The following OTOF variants were observed in gnomAD, a reference collection of about 807,000 sequenced individuals.
The protein encoded by OTOF is fer-1-like family member 2.
In OTOF, 218 loss-of-function variants were observed where a neutral mutation model predicts 236.8. The observed-to-expected ratio is 0.92, with a 90% CI of 0.82 to 1.03. The LOEUF is 1.03. OTOF is among the 50% of genes least tolerant of loss of function. OTOF has a pLI of 0.00. For synonymous variants in OTOF, 1,041 were observed against 1,072.5 expected, an observed-to-expected ratio of 0.97 and a Z score of 0.57; for missense variants, 2,590 against 2,694.4, an observed-to-expected ratio of 0.96 and a Z score of 0.86.
chr2:26,472,740 C>T, intron 29 of OTOF, 91 bp from the exon 30 acceptor site: 2 of 1,369,500 alleles, frequency 1.5e-6, no homozygotes, highest in Non-Finnish European at 2.0e-6. Context: ...AGAACTAAAG[C>T]TGATTCTGGA....
At chr2:26,532,354 C>T (rs907014031) in intron 2 of OTOF, among the ~76,000 whole-genome samples, 21 of 152,130 alleles carry the variant, frequency 1.4e-4, no homozygotes, top group African/African-American at 4.6e-4. Context: ...GGGCTTAATC[C>T]ACTACACTGA....
rs745525013 is a variant in OTOF, at chr2:26,516,472, A to T, written c.455T>A (p.Leu152Gln). Residue 152 changes from leucine to glutamine, a missense_variant, in exon 5 of 47, where the codon CTG becomes CAG. Physicochemically the swap from Leu to Gln is moderately radical, Grantham distance 113. This residue lies in a region of OTOF where 1,379 missense variants were observed against 1,341.6 expected (regional missense o/e 1.03). Coordinates refer to ENST00000272371, the MANE Select transcript of OTOF (RefSeq NM_194248.3). ...GGAGCTGGGCCGGGAGCCTGGGAGC[A>T]GTCCATCCGTCTCTTGGCTGTCCTT... ...EEKDSQETDG[L>Q]LPGSRPSSRP... is the part of the protein sequence containing the mutation. 9.9e-6 allele frequency: 16 copies of T among 1,613,844 alleles called. No homozygotes were observed. Among genetic ancestry groups the T allele is most frequent in the Admixed American group, 1.7e-5 (1 of 60,004 alleles).
Position 26,467,237 on chromosome 2 carries a change from A to G in OTOF, c.4228-4T>C. 6.2e-7 allele frequency: 1 copy of G among 1,614,110 alleles called. No individual in the cohort carries two copies. The highest frequency in any genetic ancestry group is 8.5e-7 in the Non-Finnish European group (1 of 1,180,026). ...ACTCCAGCTCTTTGGGGTATACCTG[A>G]GACAGACCAGGCTGTTAGGGGGCGG... is the stretch of plus-strand genomic sequence containing the variant. On this transcript the variant is annotated splice_region_variant and splice_polypyrimidine_tract_variant and intron_variant, in intron 34 of 46. Coordinates refer to ENST00000272371, the MANE Select transcript of OTOF (RefSeq NM_194248.3).
At chr2:26,509,454 A>G (rs1264975353) in intron 5 of OTOF, among the ~76,000 whole-genome samples, 1 of 152,188 alleles carries the variant, frequency 6.6e-6, no homozygotes, top group Non-Finnish European at 1.5e-5. Context: ...CCATCACTAC[A>G]GAGTTAACAC....
intron 3 of OTOF, among the ~76,000 whole-genome samples, chr2:26,519,511 A>AACAGCAC (rs1666623413): frequency 6.6e-6 from 1 of 152,150 alleles, no homozygotes; most frequent in African/African-American, 2.4e-5. Context: ...CCGCCTAACC[A>AACAGCAC]TGACCAAGGT....
intron 46 of OTOF, among the ~76,000 whole-genome samples, chr2:26,458,940 C>A (rs1402239906): frequency 6.6e-6 from 1 of 152,218 alleles, no homozygotes. Flanking sequence ...TTTTCACAGG[C>A]AAGTGAGGCA....
chr2:26,552,835 A>G (rs1003764134), intron 1 of OTOF, among the ~76,000 whole-genome samples: 26 of 152,154 alleles, frequency 1.7e-4, no homozygotes, highest in African/African-American at 6.3e-4. Flanking sequence ...ACCGGCTGCC[A>G]AGGTCGTCGT....
rs1370446571 is a variant in OTOF, at chr2:26,502,321, G to C, written c.689C>G (p.Thr230Ser). 1 of 1,614,094 alleles carries C rather than the reference G, an allele frequency of 6.2e-7. No individual in the cohort carries two copies. The highest frequency in any genetic ancestry group is 2.2e-5 in the East Asian group (1 of 44,870). Residue 230 changes from threonine to serine, a missense_variant, in exon 7 of 47, where the codon ACC becomes AGC. This residue lies in a region of OTOF where 1,379 missense variants were observed against 1,341.6 expected (regional missense o/e 1.03). Transcript: ENST00000272371. ...SVSLASVTALTTNVSNKRSKP... is the reference protein window; with the variant it reads ...SVSLASVTALSTNVSNKRSKP... ...TCACCGCTTGTTGGAGACATTAGTGGTGAGAGCTGTGACTGAGGCTAGAGA... is the reference window on the plus strand; with the variant it reads ...TCACCGCTTGTTGGAGACATTAGTGCTGAGAGCTGTGACTGAGGCTAGAGA...
At chr2:26,471,035 T>C (rs935290323) in intron 31 of OTOF, 86 bp downstream of exon 31, 2 of 1,529,340 alleles carry the variant, frequency 1.3e-6, no homozygotes, top group African/African-American at 2.7e-5. Flanking sequence ...GCTGGCTCTG[T>C]CCCTGATGCT....
At chr2:26,518,546 CTG>C (rs1230421326) in intron 4 of OTOF, among the ~76,000 whole-genome samples, 1 of 152,266 alleles carries the variant, frequency 6.6e-6, no homozygotes, top group Admixed American at 6.5e-5. Context: ...TGCCTCTAGA[CTG>C]TGCATCACTA....
intron 1 of OTOF, among the ~76,000 whole-genome samples, chr2:26,549,566 G>T (rs574718721): frequency 2.7e-4 from 41 of 152,134 alleles, no homozygotes; most frequent in African/African-American, 8.7e-4. Context: ...AGGCCCCATG[G>T]AACTCTAACC....
Position 26,477,376 on chromosome 2 carries a change from G to A in OTOF, c.2406+40C>T, listed in dbSNP as rs568332024. The A allele has an allele frequency of 1.3e-6, 2 of 1,569,036 alleles. No individual in the cohort carries two copies. Among genetic ancestry groups the A allele is most frequent in the African/African-American group, 2.7e-5 (2 of 74,096 alleles). On this transcript the variant is annotated intron_variant, in intron 20 of 46. Transcript: ENST00000272371. This position sits in a 1 kb window ranked among gnomAD's most constrained non-coding sequence, Gnocchi z 4.7. ...GGGTTGTGACACCTTCTCACAACCAGGCCCTCCCTCCAGCCCCCGCCGTCC... is the reference window on the plus strand; with the variant it reads ...GGGTTGTGACACCTTCTCACAACCAAGCCCTCCCTCCAGCCCCCGCCGTCC...
rs185685006 is a variant in OTOF, at chr2:26,501,666, C to A, written c.765+88G>T. The A allele has an allele frequency of 5.1e-4, 472 of 919,904 alleles. 1 individual carries two copies. The African/African-American group carries it at 6.5e-3, about 13-fold the overall frequency. The allele number at this position is 919,904 out of a possible 1,614,324, so 57.0% of individuals were successfully genotyped here. A position where few individuals can be genotyped will look rare whatever the true frequency, so the allele number is the denominator to read the frequency against. On this transcript the variant is annotated intron_variant, in intron 8 of 46. Coordinates refer to ENST00000272371, the MANE Select transcript of OTOF (RefSeq NM_194248.3). Reference sequence around the variant, plus strand: ...GTTCTCTATGACCCCTGGATCCATGCCTCAGTATAGTGGATAATGCACATC... The same window carrying A: ...GTTCTCTATGACCCCTGGATCCATGACTCAGTATAGTGGATAATGCACATC...
At position 26,474,653 on chromosome 2, in the gene OTOF, G is replaced by A. The variant is rs142557342; in HGVS notation, c.3148C>T (p.Arg1050Trp). ...TTCACCAGGGGTTTGGCGAAGGTCC[G>A]GCCCATGAAGTCAGCTTTGCCCTGA... Reference protein sequence around the residue: ...DSMGKADFMGRTFAKPLVKMA... With the variant: ...DSMGKADFMGWTFAKPLVKMA... Residue 1050 changes from arginine to tryptophan, a missense_variant, in exon 26 of 47, where the codon CGG (arginine) becomes TGG (tryptophan). By Grantham distance (101) the Arg-to-Trp change is moderately radical. Transcript: ENST00000272371. The A allele has an allele frequency of 2.1e-5, 34 of 1,613,192 alleles. No homozygotes were observed. The highest frequency in any genetic ancestry group is 3.3e-4 in the Middle Eastern group (2 of 6,084).
chr2:26,558,591 C>T lies in OTOF; in HGVS notation c.-20G>A, dbSNP rs768237992. ...GGCCATGCTGGTGTGGGCTGCCTGGCACTGCCAGGCAGGAGCAGCGGGAAG... is the reference window on the plus strand; with the variant it reads ...GGCCATGCTGGTGTGGGCTGCCTGGTACTGCCAGGCAGGAGCAGCGGGAAG... On this transcript the variant is annotated 5_prime_UTR_variant, in exon 1 of 47. Transcript: ENST00000272371. The T allele has an allele frequency of 1.2e-6, 2 of 1,608,250 alleles. No individual in the cohort carries two copies. Among genetic ancestry groups the T allele is most frequent in the African/African-American group, 1.3e-5 (1 of 74,910 alleles).
chr2:26,529,028 G>A (rs967680052), intron 2 of OTOF, among the ~76,000 whole-genome samples: 1 of 152,312 alleles, frequency 6.6e-6, no homozygotes, highest in African/African-American at 2.4e-5. Context: ...GGCCAAGTGG[G>A]GTAGAGTGAT....
chr2:26,472,111 G>A (rs2148038682), intron 30 of OTOF, among the ~76,000 whole-genome samples: 1 of 148,252 alleles, frequency 6.7e-6, no homozygotes, highest in East Asian at 2.0e-4. Flanking sequence ...GCATGCACAT[G>A]TGCACACCAC....
At chr2:26,503,749 G>A in intron 6 of OTOF, 23 bp downstream of exon 6, 2 of 1,606,302 alleles carry the variant, frequency 1.2e-6, no homozygotes, top group Non-Finnish European at 1.7e-6. Flanking sequence ...GGGGCTGCGG[G>A]GCTCACGCGG....
chr2:26,544,728 G>T (rs967970404), intron 1 of OTOF, among the ~76,000 whole-genome samples: 1 of 152,078 alleles, frequency 6.6e-6, no homozygotes, highest in Non-Finnish European at 1.5e-5. Context: ...TCACAGGATA[G>T]GTACCCTTAG....
Sources: gnomAD v4.1 joint callset for allele counts (sites outside exome capture counted in the v4.1 genomes callset) on GRCh38, gnomAD v4.1.1 for gene constraint, gnomAD v4.1.1 regional missense constraint, Gnocchi (gnomAD v3.1) non-coding constraint, MANE v1.5 for transcripts, NCBI Gene and HGNC (gene_info 2026-07-23, HGNC 2026-07-21) for gene names.